Variants in PCDH15 observed in about 807,000 individuals in gnomAD.
PCDH15 encodes the protein protocadherin-15.
In PCDH15, 129 loss-of-function variants were observed where a neutral mutation model predicts 178.5. The ratio of observed to expected loss-of-function variants is 0.72; its 90% CI spans 0.63 to 0.84. The LOEUF (loss-of-function observed/expected upper bound fraction) is 0.84, where lower values mean the gene tolerates loss of function less well. Among genes scored for constraint, PCDH15 ranks in the 40% least tolerant of loss-of-function variants. The probability of loss-of-function intolerance (pLI) is 0.00; values close to 1 mark genes in which losing one functional copy is unlikely to be tolerated. For synonymous variants in PCDH15, 800 were observed against 732.0 expected (o/e 1.09, Z -1.50); for missense variants, 2,230 against 2,099.9 (o/e 1.06, Z -1.21).
intron 9 of PCDH15, among the ~76,000 whole-genome samples, chr10:54,231,534 T>C (rs1030692009): frequency 6.6e-6 from 1 of 152,300 alleles, no homozygotes; most frequent in East Asian, 1.9e-4. Context: ...GCACTGCCTA[T>C]TGGAGCTGTG....
At chr10:54,874,318 C>T (rs1954098331) in intron 3 of PCDH15, among the ~76,000 whole-genome samples, 2 of 146,636 alleles carry the variant, frequency 1.4e-5, no homozygotes, top group Non-Finnish European at 3.0e-5. Flanking sequence ...TTTTTTATGG[C>T]TGCATAGTAT....
intron 29 of PCDH15, among the ~76,000 whole-genome samples, chr10:53,834,146 A>T (rs2077168893): frequency 6.6e-6 from 1 of 152,154 alleles, no homozygotes; most frequent in South Asian, 2.1e-4. Context: ...GCTATACTCC[A>T]GTTGGACTGA....
At chr10:54,170,844 T>C (rs1461259989) in intron 13 of PCDH15, among the ~76,000 whole-genome samples, 6 of 151,928 alleles carry the variant, frequency 3.9e-5, no homozygotes, top group Non-Finnish European at 8.8e-5. Context: ...TTCCTTTCCA[T>C]CGTGGAAATC....
At chr10:54,062,112 C>T (rs184714525) in intron 18 of PCDH15, among the ~76,000 whole-genome samples, 3 of 151,102 alleles carry the variant, frequency 2.0e-5, no homozygotes, top group African/African-American at 4.9e-5. Context: ...GTAATCCCAG[C>T]GACTCAGGAG....
intron 16 of PCDH15, among the ~76,000 whole-genome samples, chr10:54,084,952 A>G (rs2094493830): frequency 6.6e-6 from 1 of 152,108 alleles, no homozygotes; most frequent in African/African-American, 2.4e-5. Context: ...AGTTGCTTCA[A>G]GTTTGACATG....
At chr10:55,251,629 T>C (rs1841838109) in intron 1 of PCDH15, among the ~76,000 whole-genome samples, 1 of 152,206 alleles carries the variant, frequency 6.6e-6, no homozygotes, top group Non-Finnish European at 1.5e-5. Context: ...CAATGAAAAC[T>C]GCTATGAATG....
chr10:54,777,747 T>A (rs1056700467), intron 1 of PCDH15, among the ~76,000 whole-genome samples: 1 of 152,166 alleles, frequency 6.6e-6, no homozygotes, highest in Non-Finnish European at 1.5e-5. Flanking sequence ...TTGTACTTAT[T>A]TGAAGAATAA....
chr10:54,513,777 T>G (rs2081942018), intron 3 of PCDH15, among the ~76,000 whole-genome samples: 1 of 152,172 alleles, frequency 6.6e-6, no homozygotes, highest in African/African-American at 2.4e-5. Context: ...AATGGTTCAC[T>G]TTCTCAAAAA....
In PCDH15 at chr10:53,866,770, C is replaced by T; in HGVS notation, c.3589G>A (p.Val1197Met). 1 of 1,613,386 alleles carries T rather than the reference C, an allele frequency of 6.2e-7. No homozygotes were observed. The highest frequency in any genetic ancestry group is 8.5e-7 in the Non-Finnish European group (1 of 1,179,442). Residue 1197 changes from valine (V) to methionine (M), a missense_variant, in exon 27 of 38, where the codon GTG becomes ATG. By Grantham distance (21) the Val-to-Met change is conservative. Coordinates refer to ENST00000644397, the MANE Select transcript of PCDH15 (RefSeq NM_001384140.1). ...TTGATAAGCCCTGTATATGTTTCCA[C>T]TACAAATCCTTCTTTTCCCTCTTTA... ...PIKEGKEGFVVETYTGLIKTA... is the reference protein window; with the variant it reads ...PIKEGKEGFVMETYTGLIKTA...
intron 3 of PCDH15, among the ~76,000 whole-genome samples, chr10:54,520,611 T>C (rs2082747772): frequency 6.6e-6 from 1 of 152,014 alleles, no homozygotes; most frequent in Admixed American, 6.6e-5. Context: ...TTTACACTGT[T>C]GGTGGGACTG....
At chr10:54,604,799 G>A (rs948111593) in intron 2 of PCDH15, among the ~76,000 whole-genome samples, 3 of 151,040 alleles carry the variant, frequency 2.0e-5, no homozygotes, top group Non-Finnish European at 4.4e-5. Context: ...TGTTTTTCTT[G>A]TTCCTTTTTT....
chr10:55,554,586 GC>G (rs1389909981), intron 2 of PCDH15, among the ~76,000 whole-genome samples: 3 of 151,924 alleles, frequency 2.0e-5, no homozygotes, highest in African/African-American at 7.2e-5. Flanking sequence ...CGAAAATACA[GC>G]TTTTGTGGGA....
At chr10:55,259,505 A>G (rs1842094296) in intron 1 of PCDH15, among the ~76,000 whole-genome samples, 1 of 152,178 alleles carries the variant, frequency 6.6e-6, no homozygotes, top group African/African-American at 2.4e-5. Flanking sequence ...AAAATGGAAG[A>G]CTTTTGCAAT....
At chr10:54,883,300 A>T (rs1954296611) in intron 3 of PCDH15, among the ~76,000 whole-genome samples, 1 of 152,136 alleles carries the variant, frequency 6.6e-6, no homozygotes, top group Non-Finnish European at 1.5e-5. Context: ...CTCCAAAAAA[A>T]GTAAAACCTA....
chr10:54,614,169 G>A (rs1238246947), intron 2 of PCDH15, among the ~76,000 whole-genome samples: 4 of 151,756 alleles, frequency 2.6e-5, no homozygotes, highest in Non-Finnish European at 4.4e-5. Context: ...TTATATATTA[G>A]TATAACAATA....
intron 2 of PCDH15, among the ~76,000 whole-genome samples, chr10:54,570,825 T>C (rs11004390): frequency 6.9e-6 from 1 of 144,884 alleles, no homozygotes; most frequent in Admixed American, 6.9e-5. Flanking sequence ...CTATTTTTTT[T>C]TTTCTTTTTT....
At chr10:54,736,017 T>TA (rs548670191) in intron 1 of PCDH15, among the ~76,000 whole-genome samples, 78 of 145,398 alleles carry the variant, frequency 5.4e-4, no homozygotes, top group South Asian at 1.3e-3. Context: ...AAAGTATAAT[T>TA]AAAAAAAAAA....
intron 2 of PCDH15, among the ~76,000 whole-genome samples, chr10:55,037,015 G>A (rs1290638275): frequency 6.6e-6 from 1 of 152,016 alleles, no homozygotes; most frequent in African/African-American, 2.4e-5. Flanking sequence ...ATAAAAACAT[G>A]GAAAATTGAA....
intron 2 of PCDH15, among the ~76,000 whole-genome samples, chr10:55,523,591 T>C (rs1841234694): frequency 1.3e-5 from 2 of 151,606 alleles, no homozygotes; most frequent in African/African-American, 2.4e-5. Flanking sequence ...TCAACACCAA[T>C]TATTTCTGTC....
Sources: allele counts gnomAD v4.1 joint callset (sites outside exome capture counted in the v4.1 genomes callset), GRCh38; gene constraint gnomAD v4.1.1; transcripts MANE v1.5; gene names NCBI Gene and HGNC (gene_info 2026-07-23, HGNC 2026-07-21).